KIF7: variants seen among roughly 807,000 people sequenced by gnomAD.
KIF7 encodes the protein kinesin family member 7.
In KIF7, 104 loss-of-function variants were observed where a neutral mutation model predicts 135.7. The ratio of observed to expected loss-of-function variants is 0.77; its 90% confidence interval spans 0.65 to 0.90. The LOEUF is 0.90. KIF7 is among the 40% of genes least tolerant of loss of function. The probability of loss-of-function intolerance (pLI) is 0.00; values close to 1 mark genes in which losing one functional copy is unlikely to be tolerated. For synonymous variants in KIF7, 883 were observed against 809.4 expected (o/e 1.09, Z -1.54); for missense variants, 2,005 against 1,839.1 (o/e 1.09, Z -1.65).
At chr15:89,638,017 T>C (rs1963845357) in intron 11 of KIF7, among the ~76,000 whole-genome samples, 1 of 111,990 alleles carries the variant, frequency 8.9e-6, no homozygotes, top group African/African-American at 3.2e-5. Context: ...TGGTTCAATA[T>C]ACGCAAATCA....
At chr15:89,658,454 G>C (rs555003532), upstream of KIF7, among the ~76,000 whole-genome samples, 1 of 150,542 alleles carries the variant, frequency 6.6e-6, no homozygotes, top group Non-Finnish European at 1.5e-5. Flanking sequence ...TCCAGAGAGA[G>C]AGAGAGAGAG....
intron 2 of KIF7, among the ~76,000 whole-genome samples, chr15:89,652,235 GC>G (rs1964135296): frequency 6.6e-6 from 1 of 152,144 alleles, no homozygotes; most frequent in Non-Finnish European, 1.5e-5. Flanking sequence ...AGGACACACG[GC>G]CCCCATTCCC....
At chr15:89,645,578 ATG>A in intron 8 of KIF7, 127 bp from the exon 9 acceptor site, 1 of 820,964 alleles carries the variant, frequency 1.2e-6, no homozygotes, top group Admixed American at 2.0e-5. Context: ...TAAACCCAGG[ATG>A]TGAGTCTGGC....
intron 4 of KIF7, 94 bp from the exon 5 acceptor site, chr15:89,648,868 G>A (rs1368885847): frequency 2.0e-6 from 3 of 1,465,220 alleles, no homozygotes; most frequent in African/African-American, 1.4e-5. Flanking sequence ...CGCGGTTCCC[G>A]TGGGCTGGAG....
the KIF7 span, among the ~76,000 whole-genome samples, chr15:89,662,472 T>C: frequency 6.6e-6 from 1 of 152,208 alleles, no homozygotes; most frequent in Non-Finnish European, 1.5e-5. Flanking sequence ...CACTCCAGCC[T>C]GGGTGACAGA....
At chr15:89,646,163 C>T (rs1964009792) in intron 7 of KIF7, 137 bp from the exon 8 acceptor site, 4 of 1,120,642 alleles carry the variant, frequency 3.6e-6, no homozygotes, top group Non-Finnish European at 4.0e-6. Context: ...CTCTGGCAGC[C>T]TTCTGAATCT....
At chr15:89,633,535 T>A in intron 12 of KIF7, 151 bp downstream of exon 12, 2 of 917,118 alleles carry the variant, frequency 2.2e-6, no homozygotes, top group Non-Finnish European at 3.3e-6. Context: ...CATTCCACAT[T>A]TTCAGATGAA....
chr15:89,653,742 T>TTATTAG (rs67242272), intron 1 of KIF7, among the ~76,000 whole-genome samples: 4,339 of 149,814 alleles, frequency 0.029, 73 homozygotes, highest in African/African-American at 0.048. Context: ...GCTAATTTTA[T>TTATTAG]TATTAGTATT....
At chr15:89,650,480 A>G (rs1596079668) in intron 2 of KIF7, among the ~76,000 whole-genome samples, 1 of 151,934 alleles carries the variant, frequency 6.6e-6, no homozygotes, top group Non-Finnish European at 1.5e-5. Flanking sequence ...TGCAACCTCC[A>G]CCTTCCGGTT....
chr15:89,661,780 G>T, the KIF7 span, among the ~76,000 whole-genome samples: 11 of 151,230 alleles, frequency 7.3e-5, no homozygotes, highest in Non-Finnish European at 1.5e-4. Context: ...GGAGTGCAAT[G>T]GCGTGATCTT....
At chr15:89,618,800 A>C (rs914183138) in intron 1 of KIF7, among the ~76,000 whole-genome samples, 6 of 152,212 alleles carry the variant, frequency 3.9e-5, no homozygotes, top group African/African-American at 1.2e-4. Flanking sequence ...TCTATAAAAA[A>C]TTTAAAAAAT....
chr15:89,625,751 T>C, downstream of KIF7: 1 of 1,612,410 alleles, frequency 6.2e-7, no homozygotes, highest in Non-Finnish European at 8.5e-7. Flanking sequence ...GCATGGCAGC[T>C]ACCCTCCACG....
intron 2 of KIF7, among the ~76,000 whole-genome samples, chr15:89,650,486 C>T (rs1055028159): frequency 1.4e-4 from 22 of 152,302 alleles, no homozygotes; most frequent in Admixed American, 5.2e-4. Context: ...CTCCACCTTC[C>T]GGTTTCAAGC....
intron 1 of KIF7, chr15:89,619,641 G>A: frequency 2.6e-6 from 4 of 1,539,928 alleles, no homozygotes; most frequent in Middle Eastern, 2.1e-4. Context: ...GCCCGGTTTT[G>A]GACAACATGA....
chr15:89,631,351 C>G lies in KIF7; in HGVS notation c.3111+144G>C, dbSNP rs76568236. Reference sequence around the variant, plus strand: ...GAAGGGCCAGGCCAGCCCTCCCCAGCCCCCACCTCCACCTAACAGTGAAAA... The same window carrying G: ...GAAGGGCCAGGCCAGCCCTCCCCAGGCCCCACCTCCACCTAACAGTGAAAA... On this transcript the variant is annotated intron_variant, in intron 15 of 18. Coordinates refer to ENST00000394412, the MANE Select transcript of KIF7 (RefSeq NM_198525.3). The G allele has an allele frequency of 0.011, 8,400 of 737,658 alleles. 73 individuals are homozygous for G. The highest frequency in any genetic ancestry group is 0.014 in the Non-Finnish European group (6,567 of 456,132). 45.7% of individuals were successfully genotyped at this position (737,658 alleles called of 1,614,324 possible). A position where few individuals can be genotyped will look rare whatever the true frequency, so the allele number is the denominator to read the frequency against.
intron 1 of KIF7, chr15:89,619,608 A>G: frequency 1.6e-6 from 2 of 1,259,864 alleles, no homozygotes; most frequent in Non-Finnish European, 2.2e-6. Context: ...TTTCCATCTT[A>G]TATGTGGTAC....
chr15:89,631,220 C>A (rs1032379306), intron 15 of KIF7, among the ~76,000 whole-genome samples: 1 of 152,216 alleles, frequency 6.6e-6, no homozygotes, highest in Non-Finnish European at 1.5e-5. Context: ...TGGGCAGGTA[C>A]TCGAATGCAG....
chr15:89,630,499 G>T lies in KIF7; in HGVS notation c.3112-6C>A, dbSNP rs1309487874. 1 of 1,501,242 alleles carries T rather than the reference G, an allele frequency of 6.7e-7. No homozygotes were observed. Among genetic ancestry groups the T allele is most frequent in the Non-Finnish European group, 8.9e-7 (1 of 1,123,760 alleles). 93.0% of individuals were successfully genotyped at this position (1,501,242 alleles called of 1,614,324 possible). On this transcript the variant is annotated splice_region_variant and splice_polypyrimidine_tract_variant and intron_variant, in intron 15 of 18. Transcript: ENST00000394412. The stretch of plus-strand genomic sequence containing the variant: ...TGGAACAGCGTCCGCTCCTCCTGCA[G>T]AGACGGGCACGCGTGGAGGAACAGC...
chr15:89,623,274 G>A (rs994214786), downstream of KIF7, among the ~76,000 whole-genome samples: 2 of 152,228 alleles, frequency 1.3e-5, no homozygotes. Flanking sequence ...TTTAGGCAAA[G>A]ATCAGAAATA....
Sources: gnomAD v4.1 joint callset for allele counts (sites outside exome capture counted in the v4.1 genomes callset) on GRCh38, gnomAD v4.1.1 for gene constraint, MANE v1.5 for transcripts, NCBI Gene and HGNC (gene_info 2026-07-23, HGNC 2026-07-21) for gene names.